The following ACSM2A variants were observed in gnomAD, a reference collection of about 807,000 sequenced individuals.
ACSM2A encodes the protein acyl-CoA synthetase medium chain family member 2A, also known as acyl-coenzyme A synthetase ACSM2A, mitochondrial.
A neutral mutation model predicts 76.6 loss-of-function variants in ACSM2A; 72 were observed. The observed-to-expected ratio is 0.94, with a 90% CI of 0.78 to 1.14. The LOEUF is 1.14. Ranked by LOEUF, ACSM2A falls within the 50% of genes most tolerant of loss-of-function variation. The pLI is 0.00. For missense variants in ACSM2A, 684 were observed against 708.5 expected (o/e 0.97, Z 0.39); for synonymous variants, 249 against 255.9 (o/e 0.97, Z 0.26).
chr16:20,469,783 G>T, intron 4 of ACSM2A, 64 bp downstream of exon 4: 1 of 1,603,434 alleles, frequency 6.2e-7, no homozygotes, highest in Non-Finnish European at 8.5e-7. Flanking sequence ...AAGCACTTAG[G>T]TGCAGGTGCT....
At chr16:20,478,465 T>G in intron 9 of ACSM2A, 111 bp from the exon 10 acceptor site, 1 of 1,264,220 alleles carries the variant, frequency 7.9e-7, no homozygotes, top group African/African-American at 1.5e-5. Flanking sequence ...TTGTTTTCAG[T>G]CTCCACTAGA....
Position 20,460,236 on chromosome 16 carries a change from C to T in ACSM2A, c.122C>T (p.Pro41Leu), listed in dbSNP as rs755771543. 2.0e-5 allele frequency: 32 copies of T among 1,613,416 alleles called. No homozygotes were observed. The highest frequency in any genetic ancestry group is 9.3e-5 in the African/African-American group (7 of 74,954). The part of the protein sequence containing the change: ...VSLQWGHQEV[P>L]AKFNFASDVL... The stretch of plus-strand genomic sequence containing the variant: ...CTGCAGTGGGGCCACCAGGAAGTGC[C>T]GGCCAAGTTTAACTTTGCTAGTGAT... Residue 41 changes from proline to leucine, a missense_variant, in exon 2 of 14, where the codon CCG becomes CTG. Coordinates refer to ENST00000573854, the MANE Select transcript of ACSM2A (RefSeq NM_001308172.2).
Position 20,478,641 on chromosome 16 carries a change from A to G in ACSM2A, c.1245A>G (p.Lys415=). 1 of 1,613,634 alleles carries G rather than the reference A, an allele frequency of 6.2e-7. No homozygotes were observed. Among genetic ancestry groups the G allele is most frequent in the Non-Finnish European group, 8.5e-7 (1 of 1,179,734 alleles). ...GTEGDIGIRV[K]PIRPIGIFSG... ...AAGGAGACATTGGCATCAGGGTCAA[A>G]CCCATCAGGCCTATAGGCATCTTCT... The change falls in exon 10 of 14, where the codon AAA becomes AAG. Residue 415 remains lysine (K), a synonymous_variant. Transcript: ENST00000573854.
chr16:20,476,592 T>A (rs1337423738), intron 8 of ACSM2A: 1 of 985,358 alleles, frequency 1.0e-6, no homozygotes, highest in Admixed American at 6.1e-5. Context: ...GGAGGACATG[T>A]TTAGGATATG....
intron 2 of ACSM2A, among the ~76,000 whole-genome samples, chr16:20,461,745 G>T (rs2012635271): frequency 2.6e-5 from 4 of 152,126 alleles, no homozygotes. Flanking sequence ...TGATAATTTT[G>T]CTGAAATAAC....
intron 6 of ACSM2A, among the ~76,000 whole-genome samples, chr16:20,473,668 G>A (rs1405939612): frequency 1.3e-5 from 2 of 152,082 alleles, no homozygotes; most frequent in African/African-American, 2.4e-5. Context: ...AAATCCTAAG[G>A]CCCCATCCCG....
chr16:20,471,543 G>C lies in ACSM2A; in HGVS notation c.748G>C (p.Gly250Arg). 1 of 1,612,436 alleles carries C rather than the reference G, an allele frequency of 6.2e-7. No homozygotes were observed. Among genetic ancestry groups the C allele is most frequent in the Non-Finnish European group, 8.5e-7 (1 of 1,179,246 alleles). Residue 250 changes from glycine (G) to arginine (R), a missense_variant, in exon 6 of 14, where the codon GGC (glycine) becomes CGC (arginine). Gly to Arg is a moderately radical substitution (Grantham distance 125). Transcript: ENST00000573854. ...LKAKMDAGWT[G>R]LQASDIMWTI... is the part of the protein sequence containing the mutation. Reference sequence around the variant, plus strand: ...TTTTGTCTGTGTTTTCAGTTGGACAGGCCTGCAAGCCTCTGATATAATGTG... The same window carrying C: ...TTTTGTCTGTGTTTTCAGTTGGACACGCCTGCAAGCCTCTGATATAATGTG...
chr16:20,465,186 G>A (rs541922173), intron 2 of ACSM2A, among the ~76,000 whole-genome samples: 2 of 152,064 alleles, frequency 1.3e-5, no homozygotes, highest in Admixed American at 6.5e-5. Context: ...ATAAAATAAT[G>A]CCACTTTCCT....
intron 6 of ACSM2A, chr16:20,473,931 T>C (rs4447417): frequency 0.37 from 140,254 of 380,078 alleles, 30,524 homozygotes; most frequent in East Asian, 0.78. Flanking sequence ...TTATCTTAAC[T>C]AAGGCATTCC....
chr16:20,462,772 C>G (rs1396385861), intron 2 of ACSM2A, among the ~76,000 whole-genome samples: 1 of 151,868 alleles, frequency 6.6e-6, no homozygotes, highest in Non-Finnish European at 1.5e-5. Context: ...ATAACATTTT[C>G]TCAAAAAATT....
chr16:20,470,715 C>G, intron 4 of ACSM2A: 1 of 458,512 alleles, frequency 2.2e-6, no homozygotes, highest in Non-Finnish European at 4.3e-6. Flanking sequence ...GAGCTCTTCA[C>G]AACAATTAGA....
chr16:20,485,556 C>T (rs1460133203), intron 13 of ACSM2A, among the ~76,000 whole-genome samples: 1 of 152,210 alleles, frequency 6.6e-6, no homozygotes, highest in Non-Finnish European at 1.5e-5. Flanking sequence ...CCATGCAATG[C>T]TAAAGGTTGA....
rs1236861220 is a variant in ACSM2A, at chr16:20,451,648, C to G, written c.-42C>G. ...GCTGGAGAGGAGGGTGGACGAAGCT[C>G]TCTCTAGAAAGACATCCTGAGAGGA... On this transcript the variant is annotated 5_prime_UTR_variant, in exon 1 of 14. Transcript: ENST00000573854. 1 of 152,628 alleles carries G rather than the reference C, an allele frequency of 6.6e-6. No homozygotes were observed. Among genetic ancestry groups the G allele is most frequent in the Non-Finnish European group, 1.5e-5 (1 of 68,572 alleles). 9.5% of individuals were successfully genotyped at this position (152,628 alleles called of 1,614,324 possible). A position where few individuals can be genotyped will look rare whatever the true frequency, so the allele number is the denominator to read the frequency against.
At chr16:20,463,600 C>G (rs1263083386) in intron 2 of ACSM2A, among the ~76,000 whole-genome samples, 1 of 152,104 alleles carries the variant, frequency 6.6e-6, no homozygotes, top group Non-Finnish European at 1.5e-5. Context: ...CTGTAATCTT[C>G]CTGAGGCCCT....
intron 13 of ACSM2A, among the ~76,000 whole-genome samples, chr16:20,485,225 G>A (rs915530966): frequency 1.3e-5 from 2 of 152,160 alleles, no homozygotes; most frequent in Non-Finnish European, 2.9e-5. Context: ...AAGTATAACT[G>A]AATATTGTAG....
intron 4 of ACSM2A, 106 bp from the exon 5 acceptor site, chr16:20,470,967 A>G (rs1008643077): frequency 3.1e-5 from 44 of 1,440,106 alleles, no homozygotes; most frequent in African/African-American, 5.6e-5. Context: ...AGGTGGGTCC[A>G]TCAACTTGCC....
chr16:20,477,520 T>A, intron 9 of ACSM2A, 71 bp downstream of exon 9: 1 of 1,534,938 alleles, frequency 6.5e-7, no homozygotes, highest in African/African-American at 1.4e-5. Flanking sequence ...TGTTTTCCAT[T>A]GTTTATTGAG....
chr16:20,464,057 AC>A (rs1435250717), intron 2 of ACSM2A, among the ~76,000 whole-genome samples: 1 of 152,120 alleles, frequency 6.6e-6, no homozygotes, highest in Non-Finnish European at 1.5e-5. Context: ...AGGAAGGAGG[AC>A]CTTTGCTTCA....
At chr16:20,475,995 G>C (rs2013718271) in intron 8 of ACSM2A, 15 of 1,199,040 alleles carry the variant, frequency 1.3e-5, no homozygotes, top group Non-Finnish European at 1.5e-5. Context: ...GATTTGGGGA[G>C]AGAGAAAATA....
Sources: gnomAD v4.1 joint callset for allele counts (sites outside exome capture counted in the v4.1 genomes callset) on GRCh38, gnomAD v4.1.1 for gene constraint, MANE v1.5 for transcripts, NCBI Gene and HGNC (gene_info 2026-07-23, HGNC 2026-07-21) for gene names.